The following SLC39A11 variants were observed in gnomAD, a reference collection of about 807,000 sequenced individuals.
SLC39A11 encodes the protein zinc transporter ZIP11.
Under a neutral mutation model 36.1 loss-of-function variants are expected in SLC39A11, and 33 were observed. The ratio of observed to expected loss-of-function variants is 0.91; its 90% CI spans 0.69 to 1.22. The LOEUF (loss-of-function observed/expected upper bound fraction) is 1.22, where lower values mean the gene tolerates loss of function less well. SLC39A11 is among the 50% of genes most tolerant of loss of function. The pLI is 0.00. For synonymous variants in SLC39A11, 166 were observed against 170.3 expected (o/e 0.97, Z 0.20); for missense variants, 432 against 430.3 (o/e 1.00, Z -0.03).
At chr17:72,663,364 T>G (rs4793471) in intron 7 of SLC39A11, among the ~76,000 whole-genome samples, 84,767 of 151,990 alleles carry the variant, frequency 0.56, 25,556 homozygotes, top group African/African-American at 0.8. Context: ...GAATGTATGT[T>G]CAGAAAAGAG....
chr17:72,782,180 A>G (rs748300117), intron 6 of SLC39A11, among the ~76,000 whole-genome samples: 3 of 152,168 alleles, frequency 2.0e-5, no homozygotes, highest in Admixed American at 6.5e-5. Context: ...CCAGAGGAGA[A>G]GACAATCTCA....
intron 2 of SLC39A11, among the ~76,000 whole-genome samples, chr17:73,086,939 C>A (rs2060751234): frequency 6.6e-6 from 1 of 151,952 alleles, no homozygotes; most frequent in Admixed American, 6.6e-5. Flanking sequence ...GCATGTAATC[C>A]CAGCTACTCG....
chr17:72,806,027 A>G (rs1337085136), intron 6 of SLC39A11, among the ~76,000 whole-genome samples: 2 of 152,062 alleles, frequency 1.3e-5, no homozygotes, highest in Non-Finnish European at 2.9e-5. Context: ...TACTGGGATT[A>G]CACGTGTGAG....
chr17:72,933,254 A>G (rs185157565), intron 5 of SLC39A11, among the ~76,000 whole-genome samples: 3 of 152,328 alleles, frequency 2.0e-5, no homozygotes, highest in African/African-American at 4.8e-5. Flanking sequence ...TAGCACATAC[A>G]AAGTCAATTA....
At chr17:72,853,236 C>T (rs1311910116) in intron 5 of SLC39A11, among the ~76,000 whole-genome samples, 1 of 150,296 alleles carries the variant, frequency 6.7e-6, no homozygotes, top group Non-Finnish European at 1.5e-5. Context: ...CTGCATTGAC[C>T]AGTCTGGTCT....
intron 5 of SLC39A11, among the ~76,000 whole-genome samples, chr17:72,925,452 G>A (rs1352187211): frequency 6.6e-6 from 1 of 152,112 alleles, no homozygotes; most frequent in Non-Finnish European, 1.5e-5. Context: ...GTCATCCCTT[G>A]GTATCCGTAG....
At chr17:72,660,763 CGT>C (rs1019017853) in intron 7 of SLC39A11, among the ~76,000 whole-genome samples, 1 of 152,164 alleles carries the variant, frequency 6.6e-6, no homozygotes, top group African/African-American at 2.4e-5. Context: ...CATTTCACAC[CGT>C]GAGTTCCTTG....
Position 72,765,617 on chromosome 17 carries a change from G to A in SLC39A11, c.602-28898C>T, listed in dbSNP as rs192375498. ...TTCAGCATGCAGAGAACTGGTCCAG[G>A]AAGGTCCAGGGAGCTGGGCTGGACA... On this transcript the variant is annotated intron_variant, in intron 6 of 9. Transcript: ENST00000255559. Among the ~76,000 whole-genome samples, 800 of 152,286 alleles carry A rather than the reference G, an allele frequency of 5.3e-3. 8 individuals are homozygous for A. The highest frequency in any genetic ancestry group is 6.6e-3 in the Non-Finnish European group (447 of 68,022).
chr17:72,904,319 C>G (rs189026367), intron 5 of SLC39A11, among the ~76,000 whole-genome samples: 2 of 152,054 alleles, frequency 1.3e-5, no homozygotes, highest in African/African-American at 4.8e-5. Context: ...AGCCTGGGGA[C>G]GATTTTCCAG....
At chr17:72,858,266 G>C (rs989844054) in intron 5 of SLC39A11, among the ~76,000 whole-genome samples, 1 of 152,112 alleles carries the variant, frequency 6.6e-6, no homozygotes, top group South Asian at 2.1e-4. Flanking sequence ...TGTCAGCTTT[G>C]TCGAAGATCA....
chr17:72,953,205 T>G (rs1401335198), intron 4 of SLC39A11, among the ~76,000 whole-genome samples: 3 of 152,058 alleles, frequency 2.0e-5, no homozygotes, highest in African/African-American at 7.2e-5. Context: ...ATTATCATAA[T>G]GATTCTTCTT....
intron 3 of SLC39A11, among the ~76,000 whole-genome samples, chr17:73,037,195 T>C (rs1195508128): frequency 6.6e-6 from 1 of 152,236 alleles, no homozygotes; most frequent in Non-Finnish European, 1.5e-5. Flanking sequence ...AACACCCGTG[T>C]GCAGGTATTG....
At chr17:72,683,476 C>A (rs1345558527) in intron 7 of SLC39A11, among the ~76,000 whole-genome samples, 1 of 151,880 alleles carries the variant, frequency 6.6e-6, no homozygotes, top group Non-Finnish European at 1.5e-5. Flanking sequence ...GCTGGGACTA[C>A]ATGCACACAC....
chr17:72,781,946 T>C (rs1481570828), intron 6 of SLC39A11, among the ~76,000 whole-genome samples: 1 of 151,978 alleles, frequency 6.6e-6, no homozygotes, highest in African/African-American at 2.4e-5. Context: ...TGGGTTGAAC[T>C]GTACCTCCCT....
chr17:72,983,209 C>T (rs1045440873), intron 4 of SLC39A11, among the ~76,000 whole-genome samples: 1 of 151,670 alleles, frequency 6.6e-6, no homozygotes, highest in African/African-American at 2.4e-5. Context: ...GGGTGCAGTG[C>T]CGCGATCTCA....
intron 7 of SLC39A11, among the ~76,000 whole-genome samples, chr17:72,661,957 T>A (rs947801482): frequency 1.4e-4 from 21 of 152,270 alleles, no homozygotes; most frequent in Non-Finnish European, 2.1e-4. Flanking sequence ...TTCTATGGGA[T>A]CACTGACTCC....
Position 73,009,608 on chromosome 17 carries a change from G to C in SLC39A11, c.306+21948C>G, listed in dbSNP as rs139206068. Among the ~76,000 whole-genome samples, 124 of 152,194 alleles carry C rather than the reference G, an allele frequency of 8.1e-4. 1 individual carries two copies. The highest frequency in any genetic ancestry group is 2.8e-3 in the African/African-American group (117 of 41,530). On this transcript the variant is annotated intron_variant, in intron 4 of 9. Coordinates refer to ENST00000255559, the MANE Select transcript of SLC39A11 (RefSeq NM_139177.4). ...CTTAATAGGCATGGGGTTTCCTTGG[G>C]GGGGTGATGAAAATGTGTGGAATTT... is the stretch of plus-strand genomic sequence containing the variant.
intron 7 of SLC39A11, among the ~76,000 whole-genome samples, chr17:72,728,022 C>G (rs556604212): frequency 5.3e-5 from 8 of 152,292 alleles, no homozygotes; most frequent in South Asian, 2.1e-4. Flanking sequence ...TTATATGAAG[C>G]CTCCTGCTTC....
chr17:73,004,191 G>GA lies in SLC39A11; in HGVS notation c.306+27364dup, dbSNP rs1306618948. Among the ~76,000 whole-genome samples the GA allele has an allele frequency of 1.8e-4, 17 of 94,782 alleles. 1 individual carries two copies. The highest frequency in any genetic ancestry group is 7.2e-4 in the African/African-American group (16 of 22,174). 62.2% of individuals were successfully genotyped at this position (94,782 alleles called of 152,430 possible). ...AGAAAGAAAGAAAGAAAGAAAGAAA[G>GA]AAAGAAAGAAAGAAAGAAAGAAAGA... is the stretch of plus-strand genomic sequence containing the variant. On this transcript the variant is annotated intron_variant, in intron 4 of 9. Coordinates refer to ENST00000255559, the MANE Select transcript of SLC39A11 (RefSeq NM_139177.4).
Sources: allele counts gnomAD v4.1 joint callset (sites outside exome capture counted in the v4.1 genomes callset), GRCh38; gene constraint gnomAD v4.1.1; transcripts MANE v1.5; gene names NCBI Gene and HGNC (gene_info 2026-07-23, HGNC 2026-07-21).